Variants in CDC34 observed in about 807,000 individuals in gnomAD.
CDC34 encodes the protein ubiquitin-conjugating enzyme E2 R1.
Under a neutral mutation model 26.8 loss-of-function variants are expected in CDC34, and 18 were observed. The observed-to-expected ratio is 0.67, with a 90% CI of 0.47 to 1.00. The LOEUF (loss-of-function observed/expected upper bound fraction) is 1.00. Ranked by LOEUF, CDC34 falls within the 50% of genes least tolerant of loss-of-function variation. CDC34 has a pLI of 0.00. For synonymous variants in CDC34, 178 were observed against 147.5 expected, an observed-to-expected ratio of 1.21 and a Z score of -1.50; for missense variants, 280 against 334.5, an observed-to-expected ratio of 0.84 and a Z score of 1.27.
At chr19:538,889 G>C (rs1300193957) in intron 4 of CDC34, 1 of 985,264 alleles carries the variant, frequency 1.0e-6, no homozygotes, top group Non-Finnish European at 1.2e-6. Context: ...CTCTGGTGCA[G>C]ATGTCCTCGG....
At chr19:539,724 T>C (rs1040147281) in intron 4 of CDC34, among the ~76,000 whole-genome samples, 6 of 152,206 alleles carry the variant, frequency 3.9e-5, no homozygotes, top group African/African-American at 1.4e-4. Context: ...GCCTCGTTCC[T>C]GTTTTCTGTC....
In CDC34 at chr19:532,075, C is replaced by T. The variant is rs1050765719; in HGVS notation, c.144C>T (p.Pro48=). Residue 48 remains proline, a synonymous_variant, in exon 1 of 5, where the codon CCC becomes CCT. Coordinates refer to ENST00000215574, the MANE Select transcript of CDC34 (RefSeq NM_004359.2). ...ACTGGGAGGTGGCCATCTTCGGGCC[C>T]CCCAACACCTACTACGAGGGCGGCT... ...LYNWEVAIFG[P]PNTYYEGGYF... 2 of 1,523,720 alleles carry T rather than the reference C, an allele frequency of 1.3e-6. No homozygotes were observed. The highest frequency in any genetic ancestry group is 1.7e-6 in the Non-Finnish European group (2 of 1,144,350). The allele number at this position is 1,523,720 out of a possible 1,614,324, so 94.4% of individuals were successfully genotyped here. A position where few individuals can be genotyped will look rare whatever the true frequency, so the allele number is the denominator to read the frequency against.
chr19:531,927 C>T lies in CDC34; in HGVS notation c.-5C>T, dbSNP rs2145843732. On this transcript the variant is annotated 5_prime_UTR_variant, in exon 1 of 5. Transcript: ENST00000215574. ...GCTCCGACCCCGGGCCCCTCCGCCG[C>T]CGCCATGGCTCGGCCGCTAGTGCCC... The T allele has an allele frequency of 7.0e-7, 1 of 1,419,288 alleles. No individual in the cohort carries two copies. Among genetic ancestry groups the T allele is most frequent in the Non-Finnish European group, 9.2e-7 (1 of 1,090,846 alleles). The allele number at this position is 1,419,288 out of a possible 1,614,324, so 87.9% of individuals were successfully genotyped here. A position where few individuals can be genotyped will look rare whatever the true frequency, so the allele number is the denominator to read the frequency against.
intron 1 of CDC34, among the ~76,000 whole-genome samples, chr19:533,233 C>G (rs759275836): frequency 1.3e-5 from 2 of 152,164 alleles, no homozygotes; most frequent in African/African-American, 2.4e-5. Context: ...GAATCTCCCC[C>G]TCCCACCGTC....
At chr19:537,752 T>A (rs1979828916) in intron 4 of CDC34, among the ~76,000 whole-genome samples, 1 of 143,488 alleles carries the variant, frequency 7.0e-6, no homozygotes. Flanking sequence ...ACTACTCGGG[T>A]TGGAGCAGTT....
At chr19:538,418 G>T (rs932506506) in intron 4 of CDC34, among the ~76,000 whole-genome samples, 1 of 152,226 alleles carries the variant, frequency 6.6e-6, no homozygotes, top group Non-Finnish European at 1.5e-5. Context: ...TTGGGTGCCT[G>T]TGTTCACATG....
chr19:536,270 C>T lies in CDC34; in HGVS notation c.292C>T (p.His98Tyr), dbSNP rs1979745398. Residue 98 changes from histidine to tyrosine, a missense_variant, in exon 3 of 5, where the codon CAC (histidine) becomes TAC (tyrosine). His to Tyr is a moderately conservative substitution (Grantham distance 83, BLOSUM62 2). Coordinates refer to ENST00000215574, the MANE Select transcript of CDC34 (RefSeq NM_004359.2). ...GGGGGACGTGTGTATCTCCATCCTC[C>T]ACCCGCCGGTGGACGACCCCCAGAG... ...ETGDVCISIL[H>Y]PPVDDPQSGE... 1 of 1,607,690 alleles carries T rather than the reference C, an allele frequency of 6.2e-7. No homozygotes were observed. The highest frequency in any genetic ancestry group is 1.3e-5 in the African/African-American group (1 of 74,846).
intron 1 of CDC34, among the ~76,000 whole-genome samples, chr19:535,106 G>A (rs1979679214): frequency 6.6e-6 from 1 of 152,250 alleles, no homozygotes; most frequent in Non-Finnish European, 1.5e-5. Flanking sequence ...CAGGCTGCAG[G>A]CCAGACAGCT....
intron 1 of CDC34, among the ~76,000 whole-genome samples, chr19:532,432 C>T (rs1271576169): frequency 2.6e-5 from 4 of 152,192 alleles, no homozygotes; most frequent in African/African-American, 7.2e-5. Context: ...GCGTGGGGCT[C>T]TTGCCCACCT....
At chr19:538,660 G>A in intron 4 of CDC34, 1 of 959,760 alleles carries the variant, frequency 1.0e-6, no homozygotes, top group Non-Finnish European at 1.2e-6. Context: ...CATAATGCAT[G>A]TGTCTTCCTC....
chr19:537,163 G>A lies in CDC34; in HGVS notation c.497+16G>A. Reference sequence around the variant, plus strand: ...ACATCATCCGGTGAGGGCGGGCGGGGGCGTCACGGGAGGAGAGACTCAGAT... The same window carrying A: ...ACATCATCCGGTGAGGGCGGGCGGGAGCGTCACGGGAGGAGAGACTCAGAT... On this transcript the variant is annotated intron_variant, in intron 4 of 4. Coordinates refer to ENST00000215574, the MANE Select transcript of CDC34 (RefSeq NM_004359.2). 1.2e-6 allele frequency: 2 copies of A among 1,611,836 alleles called. No individual in the cohort carries two copies. Among genetic ancestry groups the A allele is most frequent in the Non-Finnish European group, 1.7e-6 (2 of 1,179,694 alleles).
chr19:538,845 T>G, intron 4 of CDC34: 1 of 985,118 alleles, frequency 1.0e-6, no homozygotes, highest in Non-Finnish European at 1.2e-6. Context: ...CCTGCTGGCC[T>G]CTGGAGGTCA....
chr19:533,213 C>T (rs1489553448), intron 1 of CDC34, among the ~76,000 whole-genome samples: 1 of 152,110 alleles, frequency 6.6e-6, no homozygotes, highest in East Asian at 1.9e-4. Flanking sequence ...GGAACGAGCA[C>T]CCTGTCCAGG....
At chr19:541,128 C>CA (rs1184582272) in intron 4 of CDC34, 3 of 600,662 alleles carry the variant, frequency 5.0e-6, no homozygotes, top group Non-Finnish European at 8.3e-6. Context: ...TCCAGCCTCC[C>CA]ACCCGCACCT....
At chr19:537,238 C>T (rs971172526) in intron 4 of CDC34, 91 bp downstream of exon 4, 1 of 1,459,752 alleles carries the variant, frequency 6.9e-7, no homozygotes, top group African/African-American at 1.4e-5. Flanking sequence ...CCCCACCTTC[C>T]TGGTGAGGGT....
In CDC34 at chr19:541,226, C is replaced by T. The variant is rs570784670; in HGVS notation, c.498-113C>T. The T allele has an allele frequency of 2.2e-5, 30 of 1,354,002 alleles. No homozygotes were observed. In the South Asian group the frequency reaches 3.2e-4, roughly 14 times the overall value. The allele number at this position is 1,354,002 out of a possible 1,614,324, so 83.9% of individuals were successfully genotyped here. On this transcript the variant is annotated intron_variant, in intron 4 of 4. Transcript: ENST00000215574. The stretch of plus-strand genomic sequence containing the variant: ...TTTGTCCTAAGTGGTCGCCACACGC[C>T]GTTTTAAGAGAAACCTGAGCGTTGG...
Position 541,966 on chromosome 19 carries a change from G to A in CDC34, c.*414G>A, listed in dbSNP as rs890642346. On this transcript the variant is annotated 3_prime_UTR_variant, in exon 5 of 5. Transcript: ENST00000215574. ...CCAGGTGTAGCGGTCCGAGGGGCCC[G>A]GTCCTGCCTGTCAGCTCCAGGTCCT... 2.4e-4 allele frequency: 39 copies of A among 161,846 alleles called. No homozygotes were observed. Among genetic ancestry groups the A allele is most frequent in the Admixed American group, 1.4e-3 (23 of 16,584 alleles). 10.0% of individuals were successfully genotyped at this position (161,846 alleles called of 1,614,324 possible). A position where few individuals can be genotyped will look rare whatever the true frequency, so the allele number is the denominator to read the frequency against.
chr19:537,507 C>T (rs974803203), intron 4 of CDC34, among the ~76,000 whole-genome samples: 3 of 152,142 alleles, frequency 2.0e-5, no homozygotes, highest in African/African-American at 7.2e-5. Context: ...CGCCCGTCAC[C>T]ACGCCCGGCT....
intron 4 of CDC34, among the ~76,000 whole-genome samples, chr19:539,845 A>G (rs556199614): frequency 6.6e-6 from 1 of 152,294 alleles, no homozygotes; most frequent in African/African-American, 2.4e-5. Flanking sequence ...AGCCGGGGGC[A>G]GGTTCCTCGT....
Sources: gnomAD v4.1 joint callset for allele counts (sites outside exome capture counted in the v4.1 genomes callset) on GRCh38, gnomAD v4.1.1 for gene constraint, MANE v1.5 for transcripts, NCBI Gene and HGNC (gene_info 2026-07-23, HGNC 2026-07-21) for gene names.